The following IL2RA variants were observed in gnomAD, a reference collection of about 807,000 sequenced individuals.
The protein encoded by IL2RA is interleukin-2 receptor subunit alpha.
In IL2RA, 24 loss-of-function variants were observed where a neutral mutation model predicts 37.8. That is an observed-to-expected ratio of 0.63 (90% CI 0.46 to 0.89). The LOEUF (loss-of-function observed/expected upper bound fraction) is 0.89. Among genes scored for constraint, IL2RA ranks in the 40% least tolerant of loss-of-function variants. The probability of loss-of-function intolerance (pLI) is 0.00; values close to 1 mark genes in which losing one functional copy is unlikely to be tolerated. For missense variants in IL2RA, 319 were observed against 348.6 expected (o/e 0.92, Z 0.68); for synonymous variants, 125 against 114.6 (o/e 1.09, Z -0.58).
rs1839399029 is a variant in IL2RA, at chr10:6,022,165, G to T, written c.368-472C>A. ...CTTGGATTTCTGCTGGACAAGTGAG[G>T]AAGTGCATTCTTGGGGGCAGCGGCT... On this transcript the variant is annotated intron_variant, in intron 3 of 7. Coordinates refer to ENST00000379959, the MANE Select transcript of IL2RA (RefSeq NM_000417.3). This position sits in a 1 kb window ranked among gnomAD's most constrained non-coding sequence, Gnocchi z 4.7. 6.6e-6 allele frequency among the ~76,000 whole-genome samples: 1 copy of T among 152,136 alleles called. No individual in the cohort carries two copies. Among genetic ancestry groups the T allele is most frequent in the South Asian group, 2.1e-4 (1 of 4,824 alleles).
intron 1 of IL2RA, among the ~76,000 whole-genome samples, chr10:6,040,006 G>A (rs1463149257): frequency 6.6e-6 from 1 of 152,228 alleles, no homozygotes; most frequent in Non-Finnish European, 1.5e-5. Context: ...GTGTAAAAGT[G>A]TAAAACAGCA....
Position 6,024,239 on chromosome 10 carries a change from C to G in IL2RA, c.367+5G>C, listed in dbSNP as rs866230452. 2 of 1,595,848 alleles carry G rather than the reference C, an allele frequency of 1.3e-6. No homozygotes were observed. Among genetic ancestry groups the G allele is most frequent in the African/African-American group, 2.7e-5 (2 of 74,672 alleles). ...AGTTAGCTGGAGGACAGATTCATCTCTCACCTGGAAGGCTCGCTTGGTCCA... is the reference window on the plus strand; with the variant it reads ...AGTTAGCTGGAGGACAGATTCATCTGTCACCTGGAAGGCTCGCTTGGTCCA... On this transcript the variant is annotated splice_donor_5th_base_variant and intron_variant, in intron 3 of 7. Coordinates refer to ENST00000379959, the MANE Select transcript of IL2RA (RefSeq NM_000417.3).
chr10:6,030,081 T>A (rs1839552207), intron 1 of IL2RA, among the ~76,000 whole-genome samples: 1 of 152,110 alleles, frequency 6.6e-6, no homozygotes, highest in South Asian at 2.1e-4. Flanking sequence ...TGAAGGCAAA[T>A]CAATAGAAAT....
At position 6,035,626 on chromosome 10, in the gene IL2RA, C is replaced by T. The variant is rs1372765059; in HGVS notation, c.65-9601G>A. Among the ~76,000 whole-genome samples, 5 of 152,146 alleles carry T rather than the reference C, an allele frequency of 3.3e-5. No homozygotes were observed. Among genetic ancestry groups the T allele is most frequent in the Admixed American group, 6.5e-5 (1 of 15,276 alleles). On this transcript the variant is annotated intron_variant, in intron 1 of 7. Transcript: ENST00000379959. This position sits in a 1 kb window ranked among gnomAD's most constrained non-coding sequence, Gnocchi z 5.4. The stretch of plus-strand genomic sequence containing the variant: ...GGAGAATCCTGAACCACGGGCTCTG[C>T]GGTGATGTGGCCTTCCTCTTTAGTT...
chr10:6,054,855 T>G lies in IL2RA; in HGVS notation c.64+7233A>C, dbSNP rs1012652706. 1.3e-5 allele frequency among the ~76,000 whole-genome samples: 2 copies of G among 152,142 alleles called. No individual in the cohort carries two copies. Among genetic ancestry groups the G allele is most frequent in the African/African-American group, 4.8e-5 (2 of 41,420 alleles). ...AATATTTGATCTTTCCCAGATTGGT[T>G]TTCCCTTTTTCTAATTTTTTTTTAA... On this transcript the variant is annotated intron_variant, in intron 1 of 7. Transcript: ENST00000379959. This position sits in a 1 kb window ranked among gnomAD's most constrained non-coding sequence, Gnocchi z 4.5.
chr10:6,040,890 G>A (rs186330023), intron 1 of IL2RA, among the ~76,000 whole-genome samples: 13 of 152,256 alleles, frequency 8.5e-5, no homozygotes, highest in Non-Finnish European at 7.4e-5. Flanking sequence ...AGTTTCATAA[G>A]GTGGCCAGAT....
In IL2RA at chr10:6,018,048, C is replaced by T. The variant is rs2132848085; in HGVS notation, c.794+5G>A. On this transcript the variant is annotated splice_donor_5th_base_variant and intron_variant, in intron 7 of 7. Coordinates refer to ENST00000379959, the MANE Select transcript of IL2RA (RefSeq NM_000417.3). This position sits in a 1 kb window ranked among gnomAD's most constrained non-coding sequence, Gnocchi z 5.1. Reference sequence around the variant, plus strand: ...CAAGGGCTGCCTTGGTGATGCCACACTTACTGTCTCCGCTGCCAGGTGAGC... The same window carrying T: ...CAAGGGCTGCCTTGGTGATGCCACATTTACTGTCTCCGCTGCCAGGTGAGC... The T allele has an allele frequency of 6.2e-7, 1 of 1,613,446 alleles. No homozygotes were observed. Among genetic ancestry groups the T allele is most frequent in the Non-Finnish European group, 8.5e-7 (1 of 1,179,562 alleles).
chr10:6,018,156 G>C lies in IL2RA; in HGVS notation c.728-37C>G, dbSNP rs762476695. On this transcript the variant is annotated intron_variant, in intron 6 of 7. Transcript: ENST00000379959. This position sits in a 1 kb window ranked among gnomAD's most constrained non-coding sequence, Gnocchi z 5.1. Reference sequence around the variant, plus strand: ...GAGAGGGAGTTCAGCAAAGGGCCCTGGGCTTGGCATGGGGGCAGCAGGAGC... The same window carrying C: ...GAGAGGGAGTTCAGCAAAGGGCCCTCGGCTTGGCATGGGGGCAGCAGGAGC... The C allele has an allele frequency of 2.5e-6, 4 of 1,574,294 alleles. No homozygotes were observed. In the African/African-American group the frequency reaches 5.4e-5, roughly 21 times the overall value.
chr10:6,037,407 G>GTTGT (rs1277865497), intron 1 of IL2RA, among the ~76,000 whole-genome samples: 1 of 152,164 alleles, frequency 6.6e-6, no homozygotes, highest in Non-Finnish European at 1.5e-5. Flanking sequence ...TCCAGGTGAA[G>GTTGT]TTGTTTTACT....
chr10:6,048,360 T>C lies in IL2RA; in HGVS notation c.64+13728A>G, dbSNP rs1173610292. Among the ~76,000 whole-genome samples, 5 of 152,248 alleles carry C rather than the reference T, an allele frequency of 3.3e-5. No homozygotes were observed. The highest frequency in any genetic ancestry group is 2.6e-4 in the Admixed American group (4 of 15,300). On this transcript the variant is annotated intron_variant, in intron 1 of 7. Coordinates refer to ENST00000379959, the MANE Select transcript of IL2RA (RefSeq NM_000417.3). The surrounding 1 kb of genome is among the most constrained non-coding windows in gnomAD (Gnocchi z 5.3). ...GAGGATGGGGTGCCATTCATTGAGA[T>C]AGCAAAGAGAGGAGAAAGAGTAGGT...
rs1839373519 is a variant in IL2RA, at chr10:6,020,886, ACAG to A, written c.583+589_583+591del. 6.6e-6 allele frequency among the ~76,000 whole-genome samples: 1 copy of A among 152,156 alleles called. No homozygotes were observed. Among genetic ancestry groups the A allele is most frequent in the Non-Finnish European group, 1.5e-5 (1 of 68,024 alleles). On this transcript the variant is annotated intron_variant, in intron 4 of 7. Coordinates refer to ENST00000379959, the MANE Select transcript of IL2RA (RefSeq NM_000417.3). The surrounding 1 kb of genome is among the most constrained non-coding windows in gnomAD (Gnocchi z 5.6). ...ATACTAATAAGATTTCAGAAGGAAG[ACAG>A]CAGGAGACCTCGACATCGGTGGGCT... is the stretch of plus-strand genomic sequence containing the variant.
chr10:6,012,876 A>G lies in IL2RA; in HGVS notation c.815T>C (p.Ile272Thr), dbSNP rs12722712. Residue 272 changes from isoleucine to threonine, a missense_variant, in exon 8 of 8, where the codon ATC becomes ACC. Coordinates refer to ENST00000379959, the MANE Select transcript of IL2RA (RefSeq NM_000417.3). The surrounding 1 kb of genome is among the most constrained non-coding windows in gnomAD (Gnocchi z 4.8). ...QRRQRKSRRT[I>T] Reference sequence around the variant, plus strand: ...AATTCTTGTTCTTTTGGTTTTCTAGATTGTTCTTCTACTCTTCCTCCTGTA... The same window carrying G: ...AATTCTTGTTCTTTTGGTTTTCTAGGTTGTTCTTCTACTCTTCCTCCTGTA... The G allele has an allele frequency of 2.9e-5, 46 of 1,613,882 alleles. No homozygotes were observed. The African/African-American group carries it at 3.9e-4, about 14-fold the overall frequency.
chr10:6,058,571 T>C lies in IL2RA; in HGVS notation c.64+3517A>G, dbSNP rs1201006049. ...ATGTGAAGGGTTAAACATTTTGTGT[T>C]TGACTGACAAAGGTGAAGATGGGAA... On this transcript the variant is annotated intron_variant, in intron 1 of 7. Coordinates refer to ENST00000379959, the MANE Select transcript of IL2RA (RefSeq NM_000417.3). The surrounding 1 kb of genome is among the most constrained non-coding windows in gnomAD (Gnocchi z 4.2). Among the ~76,000 whole-genome samples the C allele has an allele frequency of 6.6e-6, 1 of 152,222 alleles. No individual in the cohort carries two copies. The highest frequency in any genetic ancestry group is 1.5e-5 in the Non-Finnish European group (1 of 68,038).
chr10:6,025,975 T>C lies in IL2RA; in HGVS notation c.115A>G (p.Met39Val). The C allele has an allele frequency of 1.2e-6, 2 of 1,614,020 alleles. No individual in the cohort carries two copies. The highest frequency in any genetic ancestry group is 1.7e-6 in the Non-Finnish European group (2 of 1,180,038). Residue 39 changes from methionine (M) to valine (V), a missense_variant, in exon 2 of 8, where the codon ATG becomes GTG. Physicochemically the swap from Met to Val is conservative, Grantham distance 21 (BLOSUM62 1). Transcript: ENST00000379959. The surrounding 1 kb of genome is among the most constrained non-coding windows in gnomAD (Gnocchi z 4.4). ...AACATGGTTCCTTCCTTGTAGGCCA[T>C]GGCTTTGAATGTGGCGTGTGGGATC... is the stretch of plus-strand genomic sequence containing the variant. The part of the protein sequence containing the change: ...PEIPHATFKA[M>V]AYKEGTMLNC...
At chr10:6,031,315 G>T (rs1839570773) in intron 1 of IL2RA, among the ~76,000 whole-genome samples, 1 of 151,024 alleles carries the variant, frequency 6.6e-6, no homozygotes, top group South Asian at 2.1e-4. Context: ...AGCTGGTATG[G>T]TTATATTAAT....
intron 1 of IL2RA, chr10:6,039,419 T>G (rs978018447): frequency 1.3e-5 from 2 of 152,180 alleles, no homozygotes; most frequent in Non-Finnish European, 2.9e-5. Context: ...AATGAGAAAT[T>G]TTAACAGTGT....
chr10:6,021,738 C>T lies in IL2RA; in HGVS notation c.368-45G>A, dbSNP rs750345445. 1.3e-6 allele frequency: 2 copies of T among 1,537,378 alleles called. No individual in the cohort carries two copies. Among genetic ancestry groups the T allele is most frequent in the Non-Finnish European group, 1.8e-6 (2 of 1,111,528 alleles). On this transcript the variant is annotated intron_variant, in intron 3 of 7. Transcript: ENST00000379959. This position sits in a 1 kb window ranked among gnomAD's most constrained non-coding sequence, Gnocchi z 4.9. ...CTCTGAAGGCAAGTTGGGGACAGCA[C>T]CGCGAGTGAGTCCAGGTTGCCTCTT...
Position 6,046,500 on chromosome 10 carries a change from G to A in IL2RA, c.64+15588C>T, listed in dbSNP as rs1222734928. Among the ~76,000 whole-genome samples the A allele has an allele frequency of 3.3e-5, 5 of 152,152 alleles. No individual in the cohort carries two copies. In the East Asian group the frequency reaches 7.7e-4, roughly 23 times the overall value. On this transcript the variant is annotated intron_variant, in intron 1 of 7. Transcript: ENST00000379959. The surrounding 1 kb of genome is among the most constrained non-coding windows in gnomAD (Gnocchi z 4.8). ...GGACAGCATAGAGCAGAGAGCTTAC[G>A]GTTGTAGGTTACGTGGTACCAAAAG...
chr10:6,022,097 G>T lies in IL2RA; in HGVS notation c.368-404C>A, dbSNP rs1839398031. 6.6e-6 allele frequency among the ~76,000 whole-genome samples: 1 copy of T among 151,978 alleles called. No homozygotes were observed. Among genetic ancestry groups the T allele is most frequent in the Non-Finnish European group, 1.5e-5 (1 of 68,004 alleles). On this transcript the variant is annotated intron_variant, in intron 3 of 7. Coordinates refer to ENST00000379959, the MANE Select transcript of IL2RA (RefSeq NM_000417.3). The surrounding 1 kb of genome is among the most constrained non-coding windows in gnomAD (Gnocchi z 4.7). The stretch of plus-strand genomic sequence containing the variant: ...GGGGCAGTCTCAGCTGAGACACAAG[G>T]GTAGGCTCAAGCCTATTTGGGCCAA...
Sources: gnomAD v4.1 joint callset for allele counts (sites outside exome capture counted in the v4.1 genomes callset) on GRCh38, gnomAD v4.1.1 for gene constraint, Gnocchi (gnomAD v3.1) non-coding constraint, MANE v1.5 for transcripts, NCBI Gene and HGNC (gene_info 2026-07-23, HGNC 2026-07-21) for gene names.